The following TNRC6A variants were observed in gnomAD, a reference collection of about 807,000 sequenced individuals.
TNRC6A encodes the protein trinucleotide repeat containing adaptor 6A.
Under a neutral mutation model 221.2 loss-of-function variants are expected in TNRC6A, and 44 were observed. The observed-to-expected ratio is 0.20, with a 90% CI of 0.16 to 0.26. TNRC6A has a LOEUF of 0.26. Among genes scored for constraint, TNRC6A ranks in the 10% least tolerant of loss-of-function variants. TNRC6A has a pLI of 1.00. For synonymous variants in TNRC6A, 847 were observed against 838.5 expected (o/e 1.01, Z -0.18); for missense variants, 2,199 against 2,404.4 (o/e 0.91, Z 1.79).
At chr16:24,738,999 T>C (rs1012022323) in intron 2 of TNRC6A, among the ~76,000 whole-genome samples, 31 of 152,234 alleles carry the variant, frequency 2.0e-4, no homozygotes, top group Non-Finnish European at 1.9e-4. Context: ...GGACTGCAGG[T>C]GCATGCCACC....
At chr16:24,689,869 C>A (rs2055716590) in intron 2 of TNRC6A, among the ~76,000 whole-genome samples, 1 of 151,764 alleles carries the variant, frequency 6.6e-6, no homozygotes, top group Non-Finnish European at 1.5e-5. Flanking sequence ...CCTGCCTCAA[C>A]TTCCCAGTTA....
chr16:24,621,976 G>A (rs2141603448), intron 1 of TNRC6A, among the ~76,000 whole-genome samples: 1 of 152,308 alleles, frequency 6.6e-6, no homozygotes, highest in South Asian at 2.1e-4. Context: ...TATTGAACAA[G>A]GGATTTATCT....
intron 1 of TNRC6A, among the ~76,000 whole-genome samples, chr16:24,618,494 T>G (rs539732682): frequency 6.6e-6 from 1 of 152,254 alleles, no homozygotes; most frequent in South Asian, 2.1e-4. Context: ...GTAGTTGACT[T>G]GCCTAGTGAA....
At chr16:24,817,102 A>G (rs765719020) in intron 20 of TNRC6A, 146 bp downstream of exon 20, 4 of 697,572 alleles carry the variant, frequency 5.7e-6, no homozygotes, top group Non-Finnish European at 8.7e-6. Flanking sequence ...CCTGGGCAAC[A>G]TAGTTGTGGG....
At chr16:24,648,069 C>T (rs1902387667) in intron 2 of TNRC6A, among the ~76,000 whole-genome samples, 1 of 152,074 alleles carries the variant, frequency 6.6e-6, no homozygotes, top group South Asian at 2.1e-4. Context: ...TTCTTAAGAC[C>T]ATATACTATC....
intron 2 of TNRC6A, among the ~76,000 whole-genome samples, chr16:24,670,277 G>T (rs549602603): frequency 6.6e-6 from 1 of 152,126 alleles, no homozygotes; most frequent in Admixed American, 6.6e-5. Context: ...CCATTTTACA[G>T]ATGAGGACAT....
rs543261147 is a variant in TNRC6A at position 24,711,299 on chromosome 16, C to T, written n.403-39427C>T. Among the ~76,000 whole-genome samples the T allele has an allele frequency of 7.2e-5, 11 of 152,166 alleles. No homozygotes were observed. The South Asian group carries it at 8.3e-4, about 11-fold the overall frequency. On this transcript the variant is annotated intron_variant and non_coding_transcript_variant, in intron 2 of 2. Coordinates refer to the TNRC6A transcript ENST00000566108. Reference sequence around the variant, plus strand: ...CTGGGATTACAGGCGTGAGCCACCGCGCCTGGCCCTCATCAGACTTTTTTT... The same window carrying T: ...CTGGGATTACAGGCGTGAGCCACCGTGCCTGGCCCTCATCAGACTTTTTTT...
Position 24,735,333 on chromosome 16 carries a change from G to C in TNRC6A, c.53+5033G>C, listed in dbSNP as rs572131520. Among the ~76,000 whole-genome samples the C allele has an allele frequency of 1.6e-4, 24 of 152,190 alleles. No homozygotes were observed. In the South Asian group the frequency reaches 4.0e-3, roughly 25 times the overall value. On this transcript the variant is annotated intron_variant, in intron 2 of 24. Coordinates refer to ENST00000395799, the MANE Select transcript of TNRC6A (RefSeq NM_014494.4). ...CAGGAGTAAAACCCCAAGGCATTAG[G>C]TCTCCGTAGCTAAGGTGGATCCCAC... is the stretch of plus-strand genomic sequence containing the variant.
intron 2 of TNRC6A, among the ~76,000 whole-genome samples, chr16:24,706,357 A>G (rs1037509163): frequency 1.3e-5 from 2 of 151,720 alleles, no homozygotes; most frequent in Non-Finnish European, 2.9e-5. Context: ...GAAAGTAATA[A>G]AAAAGAATTA....
At chr16:24,791,875 T>A (rs1161912274) in intron 6 of TNRC6A, 58 bp downstream of exon 6, 12 of 1,436,866 alleles carry the variant, frequency 8.4e-6, no homozygotes, top group Non-Finnish European at 9.1e-6. Flanking sequence ...TTATAAGATT[T>A]GTATAACAAA....
chr16:24,777,230 A>G lies in TNRC6A; in HGVS notation c.461A>G (p.His154Arg), dbSNP rs769479760. ...AAACAGCTTCTAAAGAGGGGTCAGC[A>G]TTTTCCTGTTATAGCAGCAAACCTT... is the stretch of plus-strand genomic sequence containing the variant. The part of the protein sequence containing the change: ...EHKQLLKRGQ[H>R]FPVIAANLGS... Residue 154 changes from histidine (H) to arginine (R), a missense_variant, in exon 5 of 25, where the codon CAT becomes CGT. Transcript: ENST00000395799. 2 of 1,614,182 alleles carry G rather than the reference A, an allele frequency of 1.2e-6. No individual in the cohort carries two copies. Among genetic ancestry groups the G allele is most frequent in the East Asian group, 2.2e-5 (1 of 44,884 alleles).
At chr16:24,644,614 G>GT (rs200306689) in intron 2 of TNRC6A, among the ~76,000 whole-genome samples, 9 of 151,052 alleles carry the variant, frequency 6.0e-5, no homozygotes, top group East Asian at 1.9e-4. Flanking sequence ...TTTTTTGTGG[G>GT]TTTTTTTTGT....
chr16:24,644,353 G>A (rs1211260480), intron 2 of TNRC6A, among the ~76,000 whole-genome samples: 1 of 151,842 alleles, frequency 6.6e-6, no homozygotes, highest in Non-Finnish European at 1.5e-5. Flanking sequence ...GGAGTGCAGT[G>A]GTGCAATCAC....
intron 2 of TNRC6A, among the ~76,000 whole-genome samples, chr16:24,647,919 A>G (rs1089663): frequency 0.52 from 79,312 of 151,950 alleles, 21,090 homozygotes; most frequent in South Asian, 0.62. Context: ...CCTATTTTCT[A>G]TATCTATGAG....
chr16:24,682,818 T>C (rs1160544202), intron 2 of TNRC6A, among the ~76,000 whole-genome samples: 1 of 152,062 alleles, frequency 6.6e-6, no homozygotes, highest in Non-Finnish European at 1.5e-5. Context: ...TCCCTATTGG[T>C]CAAAACCAAT....
At chr16:24,709,052 T>G (rs1460670418) in intron 2 of TNRC6A, among the ~76,000 whole-genome samples, 6 of 151,436 alleles carry the variant, frequency 4.0e-5, no homozygotes, top group Non-Finnish European at 7.4e-5. Context: ...AGGTCGGGAG[T>G]TCGAGACCAG....
intron 2 of TNRC6A, among the ~76,000 whole-genome samples, chr16:24,745,919 G>C (rs577217871): frequency 2.8e-3 from 420 of 151,730 alleles, no homozygotes; most frequent in African/African-American, 9.8e-3. Context: ...TTTCGCAACA[G>C]TCTTCTCACC....
chr16:24,688,444 C>T (rs1226678314), intron 2 of TNRC6A, among the ~76,000 whole-genome samples: 2 of 152,160 alleles, frequency 1.3e-5, no homozygotes, highest in African/African-American at 4.8e-5. Flanking sequence ...AGGCATTGAC[C>T]CTCACCTCCA....
chr16:24,721,521 T>C (rs2056410122), intron 2 of TNRC6A, among the ~76,000 whole-genome samples: 2 of 151,742 alleles, frequency 1.3e-5, no homozygotes, highest in African/African-American at 4.8e-5. Flanking sequence ...ATAATGATAG[T>C]AGGGCCAGGT....
Sources: gnomAD v4.1 joint callset for allele counts (sites outside exome capture counted in the v4.1 genomes callset) on GRCh38, gnomAD v4.1.1 for gene constraint, MANE v1.5 for transcripts, NCBI Gene and HGNC (gene_info 2026-07-23, HGNC 2026-07-21) for gene names.